The following ANKRD36 variants were observed in gnomAD, a reference collection of about 807,000 sequenced individuals.
ANKRD36 encodes ankyrin repeat domain 36, also known as ankyrin repeat domain-containing protein 36A.
ANKRD36 carries 179 observed loss-of-function variants against 278.1 expected under a neutral mutation model. That is an observed-to-expected ratio of 0.64 (90% CI 0.57 to 0.73). The LOEUF is 0.73. Among genes scored for constraint, ANKRD36 ranks in the 30% least tolerant of loss-of-function variants. The pLI is 0.00. For missense variants in ANKRD36, 1,159 were observed against 1,956.7 expected, an observed-to-expected ratio of 0.59 and a Z score of 7.69; for synonymous variants, 320 against 641.1, an observed-to-expected ratio of 0.50 and a Z score of 7.57.
intron 26 of ANKRD36, 104 bp downstream of exon 26, chr2:97,181,897 A>T: frequency 8.4e-7 from 1 of 1,194,788 alleles, no homozygotes; most frequent in Non-Finnish European, 1.2e-6. Flanking sequence ...GCACATTCTG[A>T]TTCAGCAGGC....
intron 22 of ANKRD36, among the ~76,000 whole-genome samples, chr2:97,173,741 G>T (rs1416134936): frequency 6.6e-6 from 1 of 151,786 alleles, no homozygotes; most frequent in Non-Finnish European, 1.5e-5. Flanking sequence ...GAGGAGACTT[G>T]TGGGAAGTCG....
intron 20 of ANKRD36, 48 bp downstream of exon 20, chr2:97,164,517 A>G: frequency 6.6e-7 from 1 of 1,520,482 alleles, no homozygotes; most frequent in Non-Finnish European, 8.8e-7. Flanking sequence ...AGATGAAAAT[A>G]TTGAAAATGC....
chr2:97,116,618 G>C (rs1157575439), intron 1 of ANKRD36, among the ~76,000 whole-genome samples: 1 of 151,916 alleles, frequency 6.6e-6, no homozygotes, highest in Non-Finnish European at 1.5e-5. Flanking sequence ...TGAACTTTTA[G>C]CCTCTTCAGA....
intron 15 of ANKRD36, among the ~76,000 whole-genome samples, chr2:97,157,129 T>C (rs1024100896): frequency 6.1e-5 from 5 of 81,468 alleles, no homozygotes; most frequent in South Asian, 2.7e-4. Context: ...TGTTTTTTTT[T>C]CCTCTCTCTC....
chr2:97,175,525 A>G (rs1475082899), intron 22 of ANKRD36, among the ~76,000 whole-genome samples: 6 of 150,192 alleles, frequency 4.0e-5, no homozygotes, highest in Non-Finnish European at 8.9e-5. Flanking sequence ...TTTTTTCTTT[A>G]TTAGTCTTGC....
chr2:97,258,913 T>C (rs2076473689), intron 75 of ANKRD36, among the ~76,000 whole-genome samples: 2 of 143,638 alleles, frequency 1.4e-5, no homozygotes, highest in African/African-American at 4.9e-5. Context: ...TCATTCTTCA[T>C]GTTTGGGAAA....
At chr2:97,226,637 C>T (rs1212484193) in intron 67 of ANKRD36, among the ~76,000 whole-genome samples, 2 of 152,000 alleles carry the variant, frequency 1.3e-5, no homozygotes, top group East Asian at 3.9e-4. Flanking sequence ...TAATTAGATC[C>T]CATCTGTCAA....
chr2:97,185,106 CA>C (rs1277077910), intron 28 of ANKRD36, among the ~76,000 whole-genome samples: 1 of 151,620 alleles, frequency 6.6e-6, no homozygotes, highest in Non-Finnish European at 1.5e-5. Flanking sequence ...AAAATCATAC[CA>C]TGATTGACAT....
rs757586669 is a variant in ANKRD36 at position 97,118,217 on chromosome 2, G to C, written c.312+39G>C. 7 of 1,577,892 alleles carry C rather than the reference G, an allele frequency of 4.4e-6. No individual in the cohort carries two copies. In the Admixed American group the frequency reaches 1.1e-4, roughly 25 times the overall value. ...GACTCTTTGAGCATGAGATGGATTT[G>C]GTTGAAGTACATAGGATAAAATGAA... On this transcript the variant is annotated intron_variant, in intron 2 of 75. Coordinates refer to ENST00000420699, the MANE Select transcript of ANKRD36 (RefSeq NM_001354587.1).
At chr2:97,191,563 T>G (rs1338838767) in intron 36 of ANKRD36, among the ~76,000 whole-genome samples, 1 of 151,602 alleles carries the variant, frequency 6.6e-6, no homozygotes, top group Non-Finnish European at 1.5e-5. Flanking sequence ...GAAAACTGAT[T>G]GTAATAACCC....
At position 97,243,135 on chromosome 2, in the gene ANKRD36, G is replaced by A. The variant is rs546577358; in HGVS notation, c.4308-711G>A. Among the ~76,000 whole-genome samples, 480 of 140,856 alleles carry A rather than the reference G, an allele frequency of 3.4e-3. 29 individuals carry two copies. Among genetic ancestry groups the A allele is most frequent in the African/African-American group, 0.011 (458 of 40,834 alleles). 92.4% of individuals were successfully genotyped at this position (140,856 alleles called of 152,430 possible). A position where few individuals can be genotyped will look rare whatever the true frequency, so the allele number is the denominator to read the frequency against. On this transcript the variant is annotated intron_variant, in intron 69 of 75. Coordinates refer to ENST00000420699, the MANE Select transcript of ANKRD36 (RefSeq NM_001354587.1). The stretch of plus-strand genomic sequence containing the variant: ...CCAAATATGAGTGACCGTGGCCCCC[G>A]ACACAGCCCTCAGGAGGTCCTGAGA...
At chr2:97,130,430 A>C (rs1433920201) in intron 6 of ANKRD36, among the ~76,000 whole-genome samples, 10 of 122,170 alleles carry the variant, frequency 8.2e-5, no homozygotes, top group South Asian at 3.0e-4. Context: ...GGAACATCAC[A>C]CACCGGGGAC....
At chr2:97,164,604 A>G (rs1171409350) in intron 20 of ANKRD36, 135 bp downstream of exon 20, 2 of 994,954 alleles carry the variant, frequency 2.0e-6, no homozygotes. Context: ...GTTCTTGTTA[A>G]TATCTTTGTT....
In ANKRD36 at chr2:97,162,093, TAATAGGAA is replaced by T. The variant is rs2049042104; in HGVS notation, c.1390-5_1392del. Reference sequence around the variant, plus strand: ...TTTCTGAAGATTTCTTTTTTTTTTTTAATAGGAAGGAAAAGCACTACCAGCAACTGGAC... The same window carrying T: ...TTTCTGAAGATTTCTTTTTTTTTTTTGGAAAAGCACTACCAGCAACTGGAC... On this transcript the variant is annotated splice_acceptor_variant and splice_polypyrimidine_tract_variant and coding_sequence_variant and intron_variant, in exon 18 of 76. Coordinates refer to ENST00000420699, the MANE Select transcript of ANKRD36 (RefSeq NM_001354587.1). LOFTEE classifies it high-confidence loss of function. 1 of 973,850 alleles carries T rather than the reference TAATAGGAA, an allele frequency of 1.0e-6. No individual in the cohort carries two copies. 60.3% of individuals were successfully genotyped at this position (973,850 alleles called of 1,614,324 possible).
chr2:97,134,069 C>G (rs940360352), intron 6 of ANKRD36, among the ~76,000 whole-genome samples: 7 of 152,052 alleles, frequency 4.6e-5, no homozygotes, highest in African/African-American at 1.7e-4. Flanking sequence ...TTATTCCTCC[C>G]TCACAACTAA....
intron 24 of ANKRD36, among the ~76,000 whole-genome samples, chr2:97,180,648 A>G (rs762777086): frequency 6.6e-5 from 10 of 151,690 alleles, no homozygotes; most frequent in Non-Finnish European, 1.5e-4. Context: ...ACTTATAAAA[A>G]TGAGATAAAC....
chr2:97,228,580 A>G (rs2153667782), intron 67 of ANKRD36, among the ~76,000 whole-genome samples: 1 of 152,100 alleles, frequency 6.6e-6, no homozygotes, highest in Admixed American at 6.5e-5. Flanking sequence ...ATCCTTTCAA[A>G]AAACCGGCTC....
chr2:97,118,161 A>T lies in ANKRD36; in HGVS notation c.295A>T (p.Arg99Trp), dbSNP rs1160547311. Residue 99 changes from arginine to tryptophan, a missense_variant, in exon 2 of 76, where the codon AGG becomes TGG. Physicochemically the swap from Arg to Trp is moderately radical, Grantham distance 101. Coordinates refer to ENST00000420699, the MANE Select transcript of ANKRD36 (RefSeq NM_001354587.1). ...CELNLCDRED[R>W]TPLIKAVQLR... is the part of the protein sequence containing the mutation. Reference sequence around the variant, plus strand: ...GCTTAACCTCTGCGACCGTGAAGACAGGACACCTCTGATCAAGGTATATAG... The same window carrying T: ...GCTTAACCTCTGCGACCGTGAAGACTGGACACCTCTGATCAAGGTATATAG... 6 of 1,577,168 alleles carry T rather than the reference A, an allele frequency of 3.8e-6. No individual in the cohort carries two copies. The East Asian group carries it at 1.4e-4, about 37-fold the overall frequency.
At chr2:97,161,791 A>G (rs1316929621) in intron 17 of ANKRD36, among the ~76,000 whole-genome samples, 1 of 152,274 alleles carries the variant, frequency 6.6e-6, no homozygotes, top group Admixed American at 6.5e-5. Context: ...GTCTATTTTA[A>G]AAATAGGACC....
Sources: gnomAD v4.1 joint callset for allele counts (sites outside exome capture counted in the v4.1 genomes callset) on GRCh38, gnomAD v4.1.1 for gene constraint, MANE v1.5 for transcripts, NCBI Gene and HGNC (gene_info 2026-07-23, HGNC 2026-07-21) for gene names.